Variants in KIDINS220 observed in about 807,000 individuals in gnomAD.
KIDINS220 encodes kinase D interacting substrate 220, also known as kinase D-interacting substrate of 220 kDa.
In KIDINS220, 63 loss-of-function variants were observed where a neutral mutation model predicts 157.6. The observed-to-expected ratio is 0.40, with a 90% CI of 0.33 to 0.49. KIDINS220 has a LOEUF of 0.49. KIDINS220 is among the 20% of genes least tolerant of loss of function. The pLI, the probability that KIDINS220 is intolerant of heterozygous loss-of-function variation, is 0.66. For missense variants in KIDINS220, 1,772 were observed against 2,171.2 expected (o/e 0.82, Z 3.65); for synonymous variants, 732 against 783.6 (o/e 0.93, Z 1.10).
chr2:8,756,621 G>A (rs1668045869), intron 22 of KIDINS220, among the ~76,000 whole-genome samples: 1 of 152,146 alleles, frequency 6.6e-6, no homozygotes, highest in African/African-American at 2.4e-5. Flanking sequence ...GTCAGGTTCT[G>A]GTAAGGGCCT....
Position 8,753,225 on chromosome 2 carries a change from C to CA in KIDINS220, c.3012-1582dup, listed in dbSNP as rs560393132. ...TCCACACAACGGAATACTACTCAGC[C>CA]AAAAAAAAAATGAACTACTGATACA... On this transcript the variant is annotated intron_variant, in intron 22 of 29. Transcript: ENST00000256707. Among the ~76,000 whole-genome samples the CA allele has an allele frequency of 3.4e-4, 50 of 146,186 alleles. 1 individual carries two copies. In the Middle Eastern group the frequency reaches 0.014, roughly 41 times the overall value.
In KIDINS220 at chr2:8,796,887, A is replaced by T; in HGVS notation, c.1000-18T>A. 3 of 1,573,000 alleles carry T rather than the reference A, an allele frequency of 1.9e-6. No individual in the cohort carries two copies. Among genetic ancestry groups the T allele is most frequent in the Non-Finnish European group, 2.6e-6 (3 of 1,142,522 alleles). ...TCACCATCCTGTGGGCACAAATAAG[A>T]ACATTTGCCAGATTAATAGCTTGAC... On this transcript the variant is annotated intron_variant, in intron 10 of 29. Transcript: ENST00000256707.
chr2:8,784,368 T>G (rs1672107762), intron 17 of KIDINS220, among the ~76,000 whole-genome samples: 1 of 152,154 alleles, frequency 6.6e-6, no homozygotes, highest in South Asian at 2.1e-4. Context: ...GGTGTTAACT[T>G]TTTAGATAGG....
intron 27 of KIDINS220, 83 bp from the exon 28 acceptor site, chr2:8,734,836 T>C (rs1277011367): frequency 4.0e-6 from 4 of 997,156 alleles, no homozygotes; most frequent in Non-Finnish European, 6.0e-6. Context: ...AGTATGCTTA[T>C]ATTTAGTTTT....
chr2:8,765,898 T>C (rs1446670019), intron 22 of KIDINS220, among the ~76,000 whole-genome samples: 2 of 152,148 alleles, frequency 1.3e-5, no homozygotes, highest in African/African-American at 4.8e-5. Context: ...TACTGTGGGA[T>C]AGCCAATTAC....
intron 21 of KIDINS220, among the ~76,000 whole-genome samples, chr2:8,771,878 T>G (rs766844151): frequency 1.3e-5 from 2 of 152,010 alleles, no homozygotes; most frequent in East Asian, 3.9e-4. Context: ...GCTGGAGATA[T>G]ACACACAGTG....
chr2:8,825,132 G>A (rs1449089091), intron 2 of KIDINS220, among the ~76,000 whole-genome samples: 1 of 152,072 alleles, frequency 6.6e-6, no homozygotes, highest in Non-Finnish European at 1.5e-5. Flanking sequence ...AGTACTTTAG[G>A]AGGCCGAGGT....
At chr2:8,834,702 C>T (rs1489714778) in intron 1 of KIDINS220, among the ~76,000 whole-genome samples, 1 of 152,150 alleles carries the variant, frequency 6.6e-6, no homozygotes, top group Non-Finnish European at 1.5e-5. Flanking sequence ...AATGGACATG[C>T]CCAAGCTGAT....
rs1457425120 is a variant in KIDINS220, at chr2:8,731,164, T to C, written c.4872A>G (p.Gly1624=). 1 of 1,614,238 alleles carries C rather than the reference T, an allele frequency of 6.2e-7. No homozygotes were observed. The highest frequency in any genetic ancestry group is 8.5e-7 in the Non-Finnish European group (1 of 1,180,042). Residue 1624 remains glycine, a synonymous_variant, in exon 30 of 30, where the codon GGA becomes GGG. Coordinates refer to ENST00000256707, the MANE Select transcript of KIDINS220 (RefSeq NM_020738.4). The surrounding 1 kb of genome is among the most constrained non-coding windows in gnomAD (Gnocchi z 5.2). ...TCAGGCTATGTGGGATTCCCCGCTT[T>C]CCGCTGTGACTGTCATCTTCCAGCT... ...LIELEDDSHS[G]KRGIPHSLSG...
At chr2:8,799,332 A>C (rs575454405) in intron 9 of KIDINS220, among the ~76,000 whole-genome samples, 1 of 151,670 alleles carries the variant, frequency 6.6e-6, no homozygotes, top group South Asian at 2.1e-4. Context: ...GTGCAATGGC[A>C]CAGTCACAGC....
intron 2 of KIDINS220, among the ~76,000 whole-genome samples, chr2:8,822,462 A>G (rs1433564431): frequency 6.6e-6 from 1 of 152,040 alleles, no homozygotes; most frequent in Non-Finnish European, 1.5e-5. Flanking sequence ...CATCTCTACA[A>G]AAAAAATTTT....
chr2:8,826,839 C>G (rs918175279), intron 2 of KIDINS220, 147 bp downstream of exon 2: 3 of 389,296 alleles, frequency 7.7e-6, no homozygotes, highest in Non-Finnish European at 1.4e-5. Flanking sequence ...ATTTGAAGTA[C>G]TTTTAACTAT....
chr2:8,773,947 C>A (rs1670582494), intron 21 of KIDINS220, among the ~76,000 whole-genome samples: 1 of 152,166 alleles, frequency 6.6e-6, no homozygotes, highest in Non-Finnish European at 1.5e-5. Flanking sequence ...TCATTCAGGT[C>A]TCTTAGTCAT....
intron 12 of KIDINS220, among the ~76,000 whole-genome samples, chr2:8,792,526 A>G (rs1269417512): frequency 6.6e-6 from 1 of 152,256 alleles, no homozygotes; most frequent in Non-Finnish European, 1.5e-5. Context: ...TAGCCTATGA[A>G]TATATTACAA....
intron 22 of KIDINS220, among the ~76,000 whole-genome samples, chr2:8,766,017 C>G (rs1669438384): frequency 6.6e-6 from 1 of 152,118 alleles, no homozygotes; most frequent in Non-Finnish European, 1.5e-5. Context: ...GCTTCCCTAA[C>G]TCAGGCCAAG....
chr2:8,730,744 T>G lies in KIDINS220; in HGVS notation c.5292A>C (p.Gly1764=), dbSNP rs767013757. The G allele has an allele frequency of 9.9e-6, 16 of 1,613,610 alleles. No individual in the cohort carries two copies. The highest frequency in any genetic ancestry group is 1.0e-5 in the Non-Finnish European group (12 of 1,179,906). The change falls in exon 30 of 30, where the codon GGA becomes GGC. Residue 1764 remains glycine (G), a synonymous_variant. Coordinates refer to ENST00000256707, the MANE Select transcript of KIDINS220 (RefSeq NM_020738.4). The part of the protein sequence containing the change: ...AAASSESTGF[G]EERESIL ...CTCAAAGAATGCTTTCTCTTTCTTC[T>G]CCAAAGCCTGTGCTCTCAGAAGAGG... is the stretch of plus-strand genomic sequence containing the variant.
chr2:8,833,537 T>C (rs1572856049), intron 1 of KIDINS220, among the ~76,000 whole-genome samples: 1 of 150,264 alleles, frequency 6.7e-6, no homozygotes, highest in African/African-American at 2.4e-5. Context: ...ACCTGATTAA[T>C]AGCTGTCTCT....
At position 8,810,486 on chromosome 2, in the gene KIDINS220, T is replaced by C. The variant is rs1572752521; in HGVS notation, c.504+1909A>G. 2.0e-5 allele frequency among the ~76,000 whole-genome samples: 3 copies of C among 152,154 alleles called. No individual in the cohort carries two copies. The East Asian group carries it at 5.8e-4, about 29-fold the overall frequency. On this transcript the variant is annotated intron_variant, in intron 6 of 29. Coordinates refer to ENST00000256707, the MANE Select transcript of KIDINS220 (RefSeq NM_020738.4). ...GGATAAAATAAAGGCTTCTCTATGA[T>C]AATTAAATTACATCACAGGCTGGGC...
chr2:8,746,925 A>G (rs991876119), intron 26 of KIDINS220: 3 of 480,422 alleles, frequency 6.2e-6, no homozygotes, highest in Non-Finnish European at 1.1e-5. Context: ...CCATGTATTG[A>G]AAAAGGGGAA....
Sources: allele counts gnomAD v4.1 joint callset (sites outside exome capture counted in the v4.1 genomes callset), GRCh38; gene constraint gnomAD v4.1.1; non-coding constraint Gnocchi (gnomAD v3.1); transcripts MANE v1.5; gene names NCBI Gene and HGNC (gene_info 2026-07-23, HGNC 2026-07-21).